The following OXCT1 variants were observed in gnomAD, a reference collection of about 807,000 sequenced individuals.
The protein encoded by OXCT1 is succinyl-CoA:3-ketoacid coenzyme A transferase 1, mitochondrial.
Under a neutral mutation model 69.6 loss-of-function variants are expected in OXCT1, and 27 were observed. The ratio of observed to expected loss-of-function variants is 0.39; its 90% CI spans 0.29 to 0.54. OXCT1 has a LOEUF of 0.54. Among genes scored for constraint, OXCT1 ranks in the 20% least tolerant of loss-of-function variants. The probability of loss-of-function intolerance (pLI) is 0.72; values close to 1 mark genes in which losing one functional copy is unlikely to be tolerated. For missense variants in OXCT1, 437 were observed against 650.2 expected, an observed-to-expected ratio of 0.67 and a Z score of 3.57; for synonymous variants, 202 against 217.8, an observed-to-expected ratio of 0.93 and a Z score of 0.64.
At position 41,803,142 on chromosome 5, in the gene OXCT1, G is replaced by C; in HGVS notation, c.977C>G (p.Pro326Arg). The change falls in exon 10 of 17, where the codon CCT becomes CGT. Residue 326 changes from proline to arginine, a missense_variant. Around this residue, in one of 4 missense-constraint regions of OXCT1, gnomAD observed 252 missense variants for 397.4 expected, o/e 0.63. Coordinates refer to ENST00000196371, the MANE Select transcript of OXCT1 (RefSeq NM_000436.4). The stretch of plus-strand genomic sequence containing the variant: ...GCTGATAAAATTGCTGGCCAGGAGA[G>C]GGATTCCTATGCCCAAATTAGCTGG... ...GMYANLGIGI[P>R]LLASNFISPN... 6.2e-7 allele frequency: 1 copy of C among 1,610,952 alleles called. No individual in the cohort carries two copies. The highest frequency in any genetic ancestry group is 8.5e-7 in the Non-Finnish European group (1 of 1,177,600).
intron 7 of OXCT1, among the ~76,000 whole-genome samples, chr5:41,815,849 T>C (rs1747216133): frequency 6.6e-6 from 1 of 152,188 alleles, no homozygotes; most frequent in Admixed American, 6.6e-5. Context: ...GTTGGGTTTT[T>C]ACAGCTACAG....
chr5:41,782,099 C>G (rs369447844), intron 13 of OXCT1, among the ~76,000 whole-genome samples: 47 of 150,054 alleles, frequency 3.1e-4, no homozygotes, highest in African/African-American at 1.0e-3. Context: ...TTTTTCTCCA[C>G]AATCTTGCCA....
chr5:41,851,338 A>G (rs1368661920), intron 4 of OXCT1, among the ~76,000 whole-genome samples: 1 of 152,240 alleles, frequency 6.6e-6, no homozygotes, highest in East Asian at 1.9e-4. Flanking sequence ...TCTTCCAGAT[A>G]ACTGATTATC....
At chr5:41,766,542 C>T (rs1290766314) in intron 13 of OXCT1, among the ~76,000 whole-genome samples, 1 of 137,506 alleles carries the variant, frequency 7.3e-6, no homozygotes, top group Non-Finnish European at 1.6e-5. Context: ...GTCAACACAT[C>T]AAAGTATCAA....
At chr5:41,771,343 A>T (rs752593914) in intron 13 of OXCT1, among the ~76,000 whole-genome samples, 6 of 152,374 alleles carry the variant, frequency 3.9e-5, no homozygotes, top group Non-Finnish European at 7.3e-5. Flanking sequence ...AGTATTTATT[A>T]AGTGAACAGT....
intron 9 of OXCT1, among the ~76,000 whole-genome samples, chr5:41,804,767 G>A (rs1211954974): frequency 1.3e-5 from 2 of 152,100 alleles, no homozygotes; most frequent in Non-Finnish European, 2.9e-5. Flanking sequence ...CAGTCTGGAA[G>A]ACTGACATTC....
At chr5:41,860,770 T>A (rs1749691996) in intron 3 of OXCT1, among the ~76,000 whole-genome samples, 1 of 152,154 alleles carries the variant, frequency 6.6e-6, no homozygotes, top group African/African-American at 2.4e-5. Flanking sequence ...ATGGCTTATT[T>A]CTGACCACTA....
chr5:41,825,744 ACTC>A (rs896292075), intron 7 of OXCT1, among the ~76,000 whole-genome samples: 5 of 151,214 alleles, frequency 3.3e-5, no homozygotes, highest in African/African-American at 1.2e-4. Flanking sequence ...GTGCACACCC[ACTC>A]CTCCTCCAAT....
chr5:41,845,974 A>G (rs549062063), intron 5 of OXCT1, among the ~76,000 whole-genome samples: 60 of 152,274 alleles, frequency 3.9e-4, no homozygotes, highest in Admixed American at 1.9e-3. Flanking sequence ...TTAAAAATAT[A>G]TGCAGTACTT....
At chr5:41,739,964 T>A (rs1743086165) in intron 15 of OXCT1, among the ~76,000 whole-genome samples, 1 of 152,062 alleles carries the variant, frequency 6.6e-6, no homozygotes, top group Non-Finnish European at 1.5e-5. Flanking sequence ...TTGGTGAGGA[T>A]AAATGCCAAC....
chr5:41,792,652 A>T (rs1745979694), intron 13 of OXCT1, among the ~76,000 whole-genome samples: 1 of 152,212 alleles, frequency 6.6e-6, no homozygotes, highest in Non-Finnish European at 1.5e-5. Context: ...TTTTGAAGCA[A>T]TCAAAAGCTG....
At chr5:41,848,467 C>G (rs369135746) in intron 5 of OXCT1, among the ~76,000 whole-genome samples, 14,397 of 129,868 alleles carry the variant, frequency 0.11, 896 homozygotes, top group Middle Eastern at 0.21. Flanking sequence ...AAAGAGCCCG[C>G]ATCGCCAAGT....
intron 13 of OXCT1, among the ~76,000 whole-genome samples, chr5:41,763,996 A>G (rs763744634): frequency 2.0e-5 from 3 of 152,176 alleles, no homozygotes; most frequent in Non-Finnish European, 2.9e-5. Flanking sequence ...GCTGGCAAGA[A>G]TATAACACAC....
chr5:41,749,757 C>CT lies in OXCT1; in HGVS notation c.1339-151dup, dbSNP rs529206951. The CT allele has an allele frequency of 2.4e-3, 1,503 of 638,626 alleles. 11 individuals carry two copies. In the African/African-American group the frequency reaches 0.024, roughly 10 times the overall value. 39.6% of individuals were successfully genotyped at this position (638,626 alleles called of 1,614,324 possible). ...TTTTTGCACAGTTACATTTTTTACT[C>CT]TTTTTTTGGAGGCAGCTTCTGTACC... On this transcript the variant is annotated intron_variant, in intron 14 of 16. Transcript: ENST00000196371.
At chr5:41,813,087 G>T (rs1747065200) in intron 7 of OXCT1, among the ~76,000 whole-genome samples, 1 of 151,984 alleles carries the variant, frequency 6.6e-6, no homozygotes, top group African/African-American at 2.4e-5. Context: ...TTGTGATCAG[G>T]CTAGAACATA....
intron 14 of OXCT1, among the ~76,000 whole-genome samples, chr5:41,754,499 A>G (rs956279743): frequency 3.9e-5 from 6 of 152,240 alleles, no homozygotes; most frequent in African/African-American, 1.2e-4. Flanking sequence ...CCATATGCCT[A>G]TATCAAAACA....
At chr5:41,793,544 T>C (rs1006938947) in intron 13 of OXCT1, among the ~76,000 whole-genome samples, 2 of 152,210 alleles carry the variant, frequency 1.3e-5, no homozygotes, top group Non-Finnish European at 2.9e-5. Context: ...TTGAATTCCA[T>C]AGCAGAGGAC....
At chr5:41,770,479 G>A (rs1744827622) in intron 13 of OXCT1, among the ~76,000 whole-genome samples, 1 of 152,092 alleles carries the variant, frequency 6.6e-6, no homozygotes, top group African/African-American at 2.4e-5. Flanking sequence ...TTCAAGTGGG[G>A]AGAAAAATCA....
At chr5:41,852,333 C>G (rs1749216207) in intron 4 of OXCT1, among the ~76,000 whole-genome samples, 1 of 152,100 alleles carries the variant, frequency 6.6e-6, no homozygotes, top group Non-Finnish European at 1.5e-5. Flanking sequence ...CAGAATAGTT[C>G]CCATGTGTGC....
Sources: gnomAD v4.1 joint callset for allele counts (sites outside exome capture counted in the v4.1 genomes callset) on GRCh38, gnomAD v4.1.1 for gene constraint, gnomAD v4.1.1 regional missense constraint, MANE v1.5 for transcripts, NCBI Gene and HGNC (gene_info 2026-07-23, HGNC 2026-07-21) for gene names.